The following ZNF532 variants were observed in gnomAD, a reference collection of about 807,000 sequenced individuals.
ZNF532 encodes zinc finger protein 532.
In ZNF532, 22 loss-of-function variants were observed where a neutral mutation model predicts 89.3. The observed-to-expected ratio is 0.25, with a 90% CI of 0.18 to 0.35. The LOEUF (loss-of-function observed/expected upper bound fraction) is 0.35. Among genes scored for constraint, ZNF532 ranks in the 10% least tolerant of loss-of-function variants. The pLI is 1.00. For synonymous variants in ZNF532, 606 were observed against 649.6 expected (o/e 0.93, Z 1.02); for missense variants, 1,132 against 1,643.4 (o/e 0.69, Z 5.38).
At position 58,984,589 on chromosome 18, in the gene ZNF532, C is replaced by CA; in HGVS notation, c.*125dup. The CA allele has an allele frequency of 1.7e-6, 2 of 1,206,100 alleles. No individual in the cohort carries two copies. Among genetic ancestry groups the CA allele is most frequent in the Non-Finnish European group, 2.3e-6 (2 of 877,662 alleles). The allele number at this position is 1,206,100 out of a possible 1,614,324, so 74.7% of individuals were successfully genotyped here. On this transcript the variant is annotated 3_prime_UTR_variant, in exon 10 of 10. Transcript: ENST00000591808. ...TAGGCTGTTGCAATATATTCTCTTT[C>CA]AATGTACCTTCCTTCACCTCGTCGT...
rs372229408 is a variant in ZNF532 at position 58,919,175 on chromosome 18, A to T, written c.888A>T (p.Glu296Asp). 9.3e-6 allele frequency: 15 copies of T among 1,614,036 alleles called. No individual in the cohort carries two copies. The highest frequency in any genetic ancestry group is 3.3e-4 in the Middle Eastern group (2 of 6,082). The change falls in exon 3 of 10, where the codon GAA becomes GAT. Residue 296 changes from glutamate (E) to aspartate (D), a missense_variant. This residue lies in a region of ZNF532 where 124 missense variants were observed against 191.6 expected (regional missense o/e 0.65). Transcript: ENST00000591808. The surrounding 1 kb of genome is among the most constrained non-coding windows in gnomAD (Gnocchi z 6.1). ...SCKEPVANSR[E>D]SSPLPKEVND... ...AAGAACCAGTGGCCAATTCGAGGGA[A>T]TCCTCCCCGTTACCAAAAGAAGTAA...
chr18:58,904,698 T>G (rs1296333194), intron 2 of ZNF532, among the ~76,000 whole-genome samples: 1 of 152,178 alleles, frequency 6.6e-6, no homozygotes, highest in Non-Finnish European at 1.5e-5. Context: ...TTGCGTACCA[T>G]TGGCCAAAAA....
rs78216610 is a variant in ZNF532, at chr18:58,889,513, C to T, written c.-18+23934C>T. On this transcript the variant is annotated intron_variant, in intron 2 of 9. Coordinates refer to ENST00000591808, the MANE Select transcript of ZNF532 (RefSeq NM_001375912.1). ...GGAGTGGGTGTTTAAGAAATACAAACTCTTGGCCGGGTGTGGTGGCTCATG... is the reference window on the plus strand; with the variant it reads ...GGAGTGGGTGTTTAAGAAATACAAATTCTTGGCCGGGTGTGGTGGCTCATG... Among the ~76,000 whole-genome samples, 739 of 152,264 alleles carry T rather than the reference C, an allele frequency of 4.9e-3. 7 individuals carry two copies. The highest frequency in any genetic ancestry group is 0.016 in the African/African-American group (670 of 41,558).
chr18:58,961,650 A>G (rs1568429675), intron 7 of ZNF532, among the ~76,000 whole-genome samples: 1 of 152,260 alleles, frequency 6.6e-6, no homozygotes, highest in Non-Finnish European at 1.5e-5. Context: ...GAATCTAAAC[A>G]GGGAAAGGTT....
intron 8 of ZNF532, 79 bp from the exon 9 acceptor site, chr18:58,981,391 A>C: frequency 6.5e-7 from 1 of 1,536,348 alleles, no homozygotes; most frequent in East Asian, 2.3e-5. Flanking sequence ...ACGGCTAAGG[A>C]GGACCTTCGA....
In ZNF532 at chr18:58,868,921, A is replaced by G. The variant is rs899695463; in HGVS notation, c.-18+3342A>G. ...ATGGTGTAGCCTACTATAGCCTACTATATACCTAGGCTATATGGTGTAGCC... is the reference window on the plus strand; with the variant it reads ...ATGGTGTAGCCTACTATAGCCTACTGTATACCTAGGCTATATGGTGTAGCC... On this transcript the variant is annotated intron_variant, in intron 2 of 9. Transcript: ENST00000591808. 2.0e-5 allele frequency among the ~76,000 whole-genome samples: 3 copies of G among 152,240 alleles called. No individual in the cohort carries two copies. The East Asian group carries it at 5.8e-4, about 29-fold the overall frequency.
At chr18:58,885,924 G>C (rs940919866) in intron 2 of ZNF532, among the ~76,000 whole-genome samples, 32 of 151,862 alleles carry the variant, frequency 2.1e-4, no homozygotes, top group Admixed American at 1.8e-3. Flanking sequence ...TTTAAAGCTG[G>C]GGGTCAGGAT....
upstream of ZNF532, chr18:58,864,633 T>C (rs1008821737): frequency 7.1e-6 from 1 of 141,442 alleles, no homozygotes; most frequent in Non-Finnish European, 1.5e-5. Flanking sequence ...GCTTGCGAGG[T>C]GAGCATTTCC....
intron 2 of ZNF532, among the ~76,000 whole-genome samples, chr18:58,894,369 A>C (rs1160276467): frequency 6.6e-6 from 1 of 150,928 alleles, no homozygotes; most frequent in Non-Finnish European, 1.5e-5. Context: ...CAGTAAGCTG[A>C]GGCAGGAGAA....
rs2060784801 is a variant in ZNF532 at position 58,918,665 on chromosome 18, C to T, written c.378C>T (p.Phe126=). 1 of 1,614,056 alleles carries T rather than the reference C, an allele frequency of 6.2e-7. No individual in the cohort carries two copies. The highest frequency in any genetic ancestry group is 1.7e-5 in the Admixed American group (1 of 60,004). ...AGGTGACACTGAAAGACTCGACATT[C>T]AGCCAGTTTAGCCCGATCTCCAGTG... ...ASEVTLKDST[F]SQFSPISSAE... The change falls in exon 3 of 10, where the codon TTC becomes TTT. Residue 126 remains phenylalanine, a synonymous_variant. Coordinates refer to ENST00000591808, the MANE Select transcript of ZNF532 (RefSeq NM_001375912.1).
At chr18:58,893,134 G>A (rs1404647641) in intron 2 of ZNF532, among the ~76,000 whole-genome samples, 3 of 151,786 alleles carry the variant, frequency 2.0e-5, no homozygotes, top group African/African-American at 2.4e-5. Flanking sequence ...GTGTGCCACC[G>A]CACCCAGCTA....
At chr18:58,983,560 G>T (rs2068081522) in intron 9 of ZNF532, among the ~76,000 whole-genome samples, 1 of 152,148 alleles carries the variant, frequency 6.6e-6, no homozygotes, top group Middle Eastern at 3.4e-3. Context: ...TCACCAGGCT[G>T]TCCCTGACCG....
intron 2 of ZNF532, among the ~76,000 whole-genome samples, chr18:58,884,161 C>T (rs1421908766): frequency 6.6e-6 from 1 of 152,248 alleles, no homozygotes; most frequent in African/African-American, 2.4e-5. Context: ...GGCAGATCAC[C>T]TGAGGTCAGG....
chr18:58,936,620 A>C (rs2062495499), intron 4 of ZNF532, among the ~76,000 whole-genome samples: 1 of 152,204 alleles, frequency 6.6e-6, no homozygotes, highest in Non-Finnish European at 1.5e-5. Flanking sequence ...TGTAGATTTC[A>C]AGTTGTTAAC....
At chr18:58,875,141 C>T (rs1449178232) in intron 2 of ZNF532, among the ~76,000 whole-genome samples, 8 of 149,018 alleles carry the variant, frequency 5.4e-5, no homozygotes, top group Non-Finnish European at 8.8e-5. Flanking sequence ...GCTATTTCAC[C>T]TTTCCCCCCC....
intron 2 of ZNF532, among the ~76,000 whole-genome samples, chr18:58,903,475 C>T (rs562567783): frequency 1.3e-5 from 2 of 150,664 alleles, no homozygotes; most frequent in African/African-American, 4.9e-5. Flanking sequence ...AAATTCTGAA[C>T]AAGAGGCTGG....
chr18:58,955,698 G>A (rs2064699624), intron 7 of ZNF532, among the ~76,000 whole-genome samples: 1 of 152,158 alleles, frequency 6.6e-6, no homozygotes, highest in African/African-American at 2.4e-5. Context: ...ATTGTATTTG[G>A]TCTCACTACA....
At chr18:58,941,669 G>A (rs535850042) in intron 5 of ZNF532, among the ~76,000 whole-genome samples, 11 of 151,984 alleles carry the variant, frequency 7.2e-5, no homozygotes, top group African/African-American at 1.4e-4. Flanking sequence ...GGATTTTGCC[G>A]TGTTGCCAAG....
At chr18:58,965,022 C>T (rs1016700304) in intron 7 of ZNF532, among the ~76,000 whole-genome samples, 4 of 148,280 alleles carry the variant, frequency 2.7e-5, no homozygotes, top group Non-Finnish European at 5.9e-5. Context: ...ATTTTTAATA[C>T]TAACTTTTAT....
Sources: gnomAD v4.1 joint callset for allele counts (sites outside exome capture counted in the v4.1 genomes callset) on GRCh38, gnomAD v4.1.1 for gene constraint, gnomAD v4.1.1 regional missense constraint, Gnocchi (gnomAD v3.1) non-coding constraint, MANE v1.5 for transcripts, NCBI Gene and HGNC (gene_info 2026-07-23, HGNC 2026-07-21) for gene names.